The following BMPR1A variants were observed in gnomAD, a reference collection of about 807,000 sequenced individuals.
BMPR1A encodes bone morphogenetic protein receptor type-1A.
BMPR1A carries 7 observed loss-of-function variants against 66.0 expected under a neutral mutation model. That is an observed-to-expected ratio of 0.11 (90% CI 0.06 to 0.20). BMPR1A has a LOEUF of 0.20. BMPR1A is among the 10% of genes least tolerant of loss of function. The probability of loss-of-function intolerance (pLI) is 1.00; values close to 1 mark genes in which losing one functional copy is unlikely to be tolerated. For missense variants in BMPR1A, 408 were observed against 669.1 expected, an observed-to-expected ratio of 0.61 and a Z score of 4.31; for synonymous variants, 200 against 229.7, an observed-to-expected ratio of 0.87 and a Z score of 1.17.
chr10:86,830,504 T>G (rs1481780107), intron 1 of BMPR1A, among the ~76,000 whole-genome samples: 4 of 152,206 alleles, frequency 2.6e-5, no homozygotes, highest in Admixed American at 6.5e-5. Context: ...ACATTTGGTG[T>G]TGTCACTATT....
At chr10:86,905,040 A>G (rs1484813562) in intron 7 of BMPR1A, among the ~76,000 whole-genome samples, 5 of 152,370 alleles carry the variant, frequency 3.3e-5, no homozygotes, top group Middle Eastern at 3.4e-3. Flanking sequence ...AATTAAAGTT[A>G]AAGAGAGGTC....
At chr10:86,919,029 C>A in intron 9 of BMPR1A, 143 bp from the exon 10 acceptor site, 1 of 788,294 alleles carries the variant, frequency 1.3e-6, no homozygotes, top group Admixed American at 2.1e-5. Flanking sequence ...TTTAGTAACA[C>A]ATTCACGACT....
chr10:86,890,322 A>C (rs1373913638), intron 4 of BMPR1A, 98 bp downstream of exon 4: 3 of 1,420,312 alleles, frequency 2.1e-6, no homozygotes, highest in Non-Finnish European at 2.0e-6. Context: ...TTTTTTTTTC[A>C]TTCATATATA....
At chr10:86,887,217 CAT>C (rs1220159672) in intron 3 of BMPR1A, among the ~76,000 whole-genome samples, 1 of 152,166 alleles carries the variant, frequency 6.6e-6, no homozygotes, top group Non-Finnish European at 1.5e-5. Context: ...CTCAAGGCCA[CAT>C]ATGTGGTTTT....
chr10:86,778,588 C>A (rs11599018), intron 1 of BMPR1A, among the ~76,000 whole-genome samples: 42,330 of 151,984 alleles, frequency 0.28, 7,437 homozygotes, highest in East Asian at 0.72. Flanking sequence ...TTTATAATTT[C>A]TTTTTGTTCG....
At chr10:86,885,129 A>C (rs1011418106) in intron 3 of BMPR1A, among the ~76,000 whole-genome samples, 17 of 152,206 alleles carry the variant, frequency 1.1e-4, no homozygotes, top group African/African-American at 3.9e-4. Context: ...TTTCTATATC[A>C]GTAATTTGCA....
At chr10:86,837,065 G>C (rs1359325870) in intron 1 of BMPR1A, among the ~76,000 whole-genome samples, 1 of 152,210 alleles carries the variant, frequency 6.6e-6, no homozygotes, top group Non-Finnish European at 1.5e-5. Context: ...TTTTGGTTAT[G>C]TTATTCGCTA....
intron 1 of BMPR1A, among the ~76,000 whole-genome samples, chr10:86,758,521 A>G (rs1275917468): frequency 6.6e-6 from 1 of 152,152 alleles, no homozygotes; most frequent in African/African-American, 2.4e-5. Flanking sequence ...TTCAGTTTAC[A>G]AAAACCTTTT....
At chr10:86,805,377 T>TACACACAC (rs60828047) in intron 1 of BMPR1A, among the ~76,000 whole-genome samples, 10,978 of 142,930 alleles carry the variant, frequency 0.077, 498 homozygotes, top group African/African-American at 0.096. Flanking sequence ...CTCCTACCTG[T>TACACACAC]ACACACACAC....
chr10:86,828,782 G>A (rs1842229811), intron 1 of BMPR1A, among the ~76,000 whole-genome samples: 1 of 129,204 alleles, frequency 7.7e-6, no homozygotes, highest in South Asian at 2.5e-4. Flanking sequence ...CAAAAGCTCT[G>A]TATAAAAAAA....
At position 86,923,728 on chromosome 10, in the gene BMPR1A, C is replaced by A. The variant is rs892267131; in HGVS notation, c.*9C>A. ...AAGATGTAAAAATCTGATGGTTAAA[C>A]CATCGGAGGAGAAACTCTAGACTGC... is the stretch of plus-strand genomic sequence containing the variant. On this transcript the variant is annotated 3_prime_UTR_variant, in exon 13 of 13. Coordinates refer to ENST00000372037, the MANE Select transcript of BMPR1A (RefSeq NM_004329.3). 6.2e-7 allele frequency: 1 copy of A among 1,612,742 alleles called. No homozygotes were observed. Among genetic ancestry groups the A allele is most frequent in the African/African-American group, 1.3e-5 (1 of 74,874 alleles).
rs542122689 is a variant in BMPR1A at position 86,838,920 on chromosome 10, A to G, written c.-212A>G. On this transcript the variant is annotated 5_prime_UTR_variant, in exon 2 of 13. Coordinates refer to ENST00000372037, the MANE Select transcript of BMPR1A (RefSeq NM_004329.3). ...GTCTTGGAATTCATGAGATGGAAGC[A>G]TAGGTCAAAGCTGTTTGGAGAAAAT... The G allele has an allele frequency of 1.3e-5, 2 of 152,348 alleles. No homozygotes were observed. The highest frequency in any genetic ancestry group is 3.9e-4 in the East Asian group (2 of 5,190). 9.4% of individuals were successfully genotyped at this position (152,348 alleles called of 1,614,324 possible).
At chr10:86,824,112 T>TGTGTGTGTGTGTTTGTGTGTGTG (rs1564695887) in intron 1 of BMPR1A, among the ~76,000 whole-genome samples, 1 of 151,736 alleles carries the variant, frequency 6.6e-6, no homozygotes, top group African/African-American at 2.4e-5. Flanking sequence ...TGTGTGTGTG[T>TGTGTGTGTGTGTTTGTGTGTGTG]TTCTTTCAGT....
chr10:86,869,788 G>T (rs901722576), intron 2 of BMPR1A, among the ~76,000 whole-genome samples: 11 of 151,854 alleles, frequency 7.2e-5, no homozygotes, highest in Admixed American at 5.3e-4. Flanking sequence ...TGAAAAATAA[G>T]GTTAATATTT....
chr10:86,839,390 C>G (rs956217665), intron 2 of BMPR1A, among the ~76,000 whole-genome samples: 1 of 151,892 alleles, frequency 6.6e-6, no homozygotes, highest in East Asian at 1.9e-4. Context: ...GCCAGGAGTT[C>G]GAGACCAGCC....
rs1411249361 is a variant in BMPR1A at position 86,917,329 on chromosome 10, G to C, written c.868+3G>C. On this transcript the variant is annotated splice_donor_region_variant and intron_variant, in intron 9 of 12. Coordinates refer to ENST00000372037, the MANE Select transcript of BMPR1A (RefSeq NM_004329.3). ...AATGCGCCATGAAAACATACTTGGT[G>C]GGTACACACTGATTCAGTCAATTTC... 6.2e-7 allele frequency: 1 copy of C among 1,614,070 alleles called. No individual in the cohort carries two copies. The highest frequency in any genetic ancestry group is 1.7e-5 in the Admixed American group (1 of 60,014).
intron 7 of BMPR1A, among the ~76,000 whole-genome samples, chr10:86,910,469 TAAGAAGCAAGATGCAG>T (rs1843463706): frequency 6.6e-6 from 1 of 152,144 alleles, no homozygotes; most frequent in Non-Finnish European, 1.5e-5. Context: ...ATACCCCAGG[TAAGAAGCAAGATGCAG>T]AACGGCATCA....
intron 2 of BMPR1A, among the ~76,000 whole-genome samples, chr10:86,859,542 G>A (rs373096499): frequency 1.6e-4 from 24 of 152,178 alleles, no homozygotes; most frequent in East Asian, 1.4e-3. Flanking sequence ...AGAAGAGACC[G>A]GAAGTGGTGG....
At chr10:86,778,156 A>G (rs1346339859) in intron 1 of BMPR1A, among the ~76,000 whole-genome samples, 4 of 152,028 alleles carry the variant, frequency 2.6e-5, no homozygotes, top group Non-Finnish European at 4.4e-5. Flanking sequence ...CATGGGCTAC[A>G]TGTGGCCCAG....
Sources: allele counts gnomAD v4.1 joint callset (sites outside exome capture counted in the v4.1 genomes callset), GRCh38; gene constraint gnomAD v4.1.1; transcripts MANE v1.5; gene names NCBI Gene and HGNC (gene_info 2026-07-23, HGNC 2026-07-21).